Variants in ADGRA3 observed in about 807,000 individuals in gnomAD.
ADGRA3 encodes G-protein coupled receptor 125.
A neutral mutation model predicts 119.8 loss-of-function variants in ADGRA3; 56 were observed. That is an observed-to-expected ratio of 0.47 (90% confidence interval 0.38 to 0.58). The LOEUF (loss-of-function observed/expected upper bound fraction) is 0.58, where lower values mean the gene tolerates loss of function less well. Among genes scored for constraint, ADGRA3 ranks in the 20% least tolerant of loss-of-function variants. ADGRA3 has a pLI of 0.00. For synonymous variants in ADGRA3, 607 were observed against 623.8 expected, an observed-to-expected ratio of 0.97 and a Z score of 0.40; for missense variants, 1,516 against 1,649.0, an observed-to-expected ratio of 0.92 and a Z score of 1.40.
chr4:22,392,889 C>T, intron 16 of ADGRA3, 199 bp from the exon 17 acceptor site: 2 of 515,882 alleles, frequency 3.9e-6, no homozygotes, highest in Non-Finnish European at 6.8e-6. Context: ...AATACACAAA[C>T]CAACAATTGG....
intron 14 of ADGRA3, among the ~76,000 whole-genome samples, chr4:22,409,582 G>T (rs1715102961): frequency 6.6e-6 from 1 of 152,152 alleles, no homozygotes; most frequent in Admixed American, 6.5e-5. Context: ...TCATGAGGCT[G>T]TTATAAGAGC....
intron 3 of ADGRA3, among the ~76,000 whole-genome samples, chr4:22,460,051 C>T (rs901127316): frequency 6.6e-6 from 1 of 152,204 alleles, no homozygotes; most frequent in African/African-American, 2.4e-5. Flanking sequence ...TACATTCTTG[C>T]ACACCTGCGC....
chr4:22,495,901 T>C (rs777410267), intron 1 of ADGRA3, among the ~76,000 whole-genome samples: 2 of 149,010 alleles, frequency 1.3e-5, no homozygotes, highest in African/African-American at 5.0e-5. Context: ...AGAGCAAGAC[T>C]CCGTCTCAAA....
chr4:22,409,746 G>T (rs9993875), intron 14 of ADGRA3, among the ~76,000 whole-genome samples: 3,002 of 152,160 alleles, frequency 0.02, 91 homozygotes, highest in African/African-American at 0.069. Context: ...AAAAAAGCAC[G>T]GTTTAGAACA....
At chr4:22,393,012 C>A in intron 16 of ADGRA3, 2 of 187,898 alleles carry the variant, frequency 1.1e-5, no homozygotes, top group Non-Finnish European at 1.1e-5. Flanking sequence ...TGACATTATA[C>A]ATTAGAGTTC....
At chr4:22,428,396 T>C (rs149112696) in intron 10 of ADGRA3, among the ~76,000 whole-genome samples, 2 of 151,362 alleles carry the variant, frequency 1.3e-5, no homozygotes, top group East Asian at 3.9e-4. Context: ...CCAGTAAAAA[T>C]ATAAATTAAG....
In ADGRA3 at chr4:22,402,703, C is replaced by T. The variant is rs200590610; in HGVS notation, c.2329G>A (p.Val777Ile). The T allele has an allele frequency of 3.7e-5, 60 of 1,613,448 alleles. No homozygotes were observed. Among genetic ancestry groups the T allele is most frequent in the Admixed American group, 3.3e-4 (20 of 59,970 alleles). ...TGATGGTATATGTAACTGACAATGA[C>T]GGCTAAGAGACATAAGAGGAGAATG... ...AIILLLCLLA[V>I]IVSYIYHHSL... Residue 777 changes from valine to isoleucine, a missense_variant, in exon 15 of 19, where the codon GTC (valine) becomes ATC (isoleucine). By Grantham distance (29) the Val-to-Ile change is conservative (BLOSUM62 3). Coordinates refer to ENST00000334304, the MANE Select transcript of ADGRA3 (RefSeq NM_145290.4).
At chr4:22,455,670 C>T in intron 3 of ADGRA3, 4 of 307,220 alleles carry the variant, frequency 1.3e-5, no homozygotes, top group Non-Finnish European at 1.8e-5. Context: ...ATATTTTGTT[C>T]TATCCCTCTT....
At chr4:22,482,155 CCTTGTTGTAACA>C (rs1481779771) in intron 1 of ADGRA3, among the ~76,000 whole-genome samples, 4 of 152,118 alleles carry the variant, frequency 2.6e-5, no homozygotes, top group Non-Finnish European at 4.4e-5. Context: ...ACTCTATTCA[CCTTGTTGTAACA>C]CTTCTCATTA....
At chr4:22,510,872 T>A (rs1719426681) in intron 1 of ADGRA3, among the ~76,000 whole-genome samples, 1 of 152,210 alleles carries the variant, frequency 6.6e-6, no homozygotes, top group African/African-American at 2.4e-5. Context: ...AGGGATAGTC[T>A]TTTAATTGTT....
intron 12 of ADGRA3, among the ~76,000 whole-genome samples, chr4:22,415,923 A>G (rs1464844727): frequency 6.6e-6 from 1 of 152,168 alleles, no homozygotes; most frequent in African/African-American, 2.4e-5. Flanking sequence ...TACATATTTA[A>G]GGCTTCTAAA....
chr4:22,491,636 A>G (rs1299799466), intron 1 of ADGRA3, among the ~76,000 whole-genome samples: 1 of 152,174 alleles, frequency 6.6e-6, no homozygotes, highest in African/African-American at 2.4e-5. Context: ...GCCTTCAACA[A>G]GAATCCTCAG....
intron 1 of ADGRA3, among the ~76,000 whole-genome samples, chr4:22,495,669 G>A (rs1172967496): frequency 6.6e-6 from 1 of 152,004 alleles, no homozygotes; most frequent in Non-Finnish European, 1.5e-5. Context: ...AGCACTTTGG[G>A]AGGCCAGGGC....
intron 1 of ADGRA3, chr4:22,478,301 G>C (rs1234587407): frequency 6.6e-6 from 1 of 152,170 alleles, no homozygotes; most frequent in Non-Finnish European, 1.5e-5. Flanking sequence ...AGTTTATGGA[G>C]CAGAAGAAAT....
intron 1 of ADGRA3, among the ~76,000 whole-genome samples, chr4:22,512,523 T>C (rs1018553919): frequency 2.0e-5 from 3 of 152,150 alleles, no homozygotes; most frequent in African/African-American, 7.2e-5. Flanking sequence ...TGTATTTAAT[T>C]AAAGGATCTT....
chr4:22,460,829 A>C (rs946653341), intron 3 of ADGRA3, among the ~76,000 whole-genome samples: 3 of 152,210 alleles, frequency 2.0e-5, no homozygotes, highest in Non-Finnish European at 4.4e-5. Context: ...AAGGGTCTGC[A>C]AGATCTTCCG....
rs1383795147 is a variant in ADGRA3, at chr4:22,413,305, C to T, written c.2109G>A (p.Arg703=). 1 of 1,614,028 alleles carries T rather than the reference C, an allele frequency of 6.2e-7. No individual in the cohort carries two copies. Among genetic ancestry groups the T allele is most frequent in the Non-Finnish European group, 8.5e-7 (1 of 1,180,002 alleles). Residue 703 remains arginine, a synonymous_variant, in exon 14 of 19, where the codon CGG becomes CGA. Coordinates refer to ENST00000334304, the MANE Select transcript of ADGRA3 (RefSeq NM_145290.4). ...GTCCGTTCAGCAAATCGAAATCCCA[C>T]CGGGCTGCAACAGCATCTGCTCCAT... ...IAHGADAVAA[R]WDFDLLNGQG...
chr4:22,508,248 A>G (rs1373084752), intron 1 of ADGRA3, among the ~76,000 whole-genome samples: 1 of 152,228 alleles, frequency 6.6e-6, no homozygotes, highest in Non-Finnish European at 1.5e-5. Flanking sequence ...AAGAGTTCGT[A>G]GCAGCTGAGT....
chr4:22,473,075 A>T (rs1253629542), intron 2 of ADGRA3: 1 of 152,190 alleles, frequency 6.6e-6, no homozygotes, highest in African/African-American at 2.4e-5. Context: ...TCTGAATAAA[A>T]TATCAAAGTT....
Sources: gnomAD v4.1 joint callset for allele counts (sites outside exome capture counted in the v4.1 genomes callset) on GRCh38, gnomAD v4.1.1 for gene constraint, MANE v1.5 for transcripts, NCBI Gene and HGNC (gene_info 2026-07-23, HGNC 2026-07-21) for gene names.